HMGCLL1: variants seen among roughly 807,000 people sequenced by gnomAD.
HMGCLL1 encodes the protein 3-hydroxy-3-methylglutaryl-CoA lyase like 1.
HMGCLL1 carries 36 observed loss-of-function variants against 39.1 expected under a neutral mutation model. The ratio of observed to expected loss-of-function variants is 0.92; its 90% CI spans 0.71 to 1.22. The LOEUF is 1.22. Among genes scored for constraint, HMGCLL1 ranks in the 50% most tolerant of loss-of-function variants. The pLI is 0.00. For synonymous variants in HMGCLL1, 149 were observed against 144.0 expected (o/e 1.03, Z -0.25); for missense variants, 451 against 416.5 (o/e 1.08, Z -0.72).
At chr6:55,538,148 G>A (rs1013306760) in intron 3 of HMGCLL1, among the ~76,000 whole-genome samples, 2 of 152,074 alleles carry the variant, frequency 1.3e-5, no homozygotes, top group South Asian at 4.2e-4. Flanking sequence ...TTCCACTCTT[G>A]CATAATACTA....
chr6:55,522,033 G>A (rs1050386054), intron 3 of HMGCLL1, among the ~76,000 whole-genome samples: 1 of 151,986 alleles, frequency 6.6e-6, no homozygotes, highest in Non-Finnish European at 1.5e-5. Flanking sequence ...GAAAGTTTGA[G>A]TGGTCTAGGC....
At chr6:55,591,104 A>T in the HMGCLL1 span, among the ~76,000 whole-genome samples, 1 of 151,954 alleles carries the variant, frequency 6.6e-6, no homozygotes, top group Admixed American at 6.6e-5. Context: ...TCCTGCTTCT[A>T]ATATATTTTA....
At chr6:55,578,746 G>A (rs1581972476) in intron 1 of HMGCLL1, among the ~76,000 whole-genome samples, 1 of 152,204 alleles carries the variant, frequency 6.6e-6, no homozygotes. Context: ...CTGATCTGTA[G>A]AGGCGGGTCG....
At chr6:55,672,408 T>C in the HMGCLL1 span, among the ~76,000 whole-genome samples, 3 of 151,856 alleles carry the variant, frequency 2.0e-5, no homozygotes, top group African/African-American at 4.8e-5. Context: ...ACTTTTAATC[T>C]CTTTTTATGA....
intron 1 of HMGCLL1, among the ~76,000 whole-genome samples, chr6:55,554,877 A>G (rs937710054): frequency 3.3e-5 from 5 of 152,154 alleles, no homozygotes; most frequent in African/African-American, 9.7e-5. Flanking sequence ...CTCATACCCT[A>G]TATCAGATCT....
At chr6:55,588,594 T>C in the HMGCLL1 span, among the ~76,000 whole-genome samples, 8 of 151,952 alleles carry the variant, frequency 5.3e-5, no homozygotes, top group East Asian at 1.9e-4. Context: ...AAAAACCCTT[T>C]AAAAAAATCA....
chr6:55,561,633 T>TA (rs529260515), intron 1 of HMGCLL1, among the ~76,000 whole-genome samples: 1 of 152,008 alleles, frequency 6.6e-6, no homozygotes, highest in Non-Finnish European at 1.5e-5. Flanking sequence ...AAAGCCAACT[T>TA]AAAAAAAGTA....
At chr6:55,614,626 T>TTAA in the HMGCLL1 span, among the ~76,000 whole-genome samples, 2 of 152,188 alleles carry the variant, frequency 1.3e-5, no homozygotes, top group African/African-American at 4.8e-5. Flanking sequence ...TTTTTCTTCA[T>TTAA]TAATTTAAGA....
At chr6:55,469,437 A>G (rs1297792355) in intron 7 of HMGCLL1, among the ~76,000 whole-genome samples, 4 of 144,402 alleles carry the variant, frequency 2.8e-5, no homozygotes, top group African/African-American at 1.0e-4. Flanking sequence ...ATATAAGTAT[A>G]TATACATATA....
At chr6:55,635,823 A>T in the HMGCLL1 span, among the ~76,000 whole-genome samples, 1 of 152,202 alleles carries the variant, frequency 6.6e-6, no homozygotes, top group Non-Finnish European at 1.5e-5. Flanking sequence ...TGCTGAACAC[A>T]AAGAATAGTG....
At chr6:55,678,123 C>A in the HMGCLL1 span, among the ~76,000 whole-genome samples, 1 of 152,142 alleles carries the variant, frequency 6.6e-6, no homozygotes, top group Non-Finnish European at 1.5e-5. Flanking sequence ...TTATTAACCA[C>A]TCTAGGTCAG....
At chr6:55,486,371 C>T (rs890660346) in intron 7 of HMGCLL1, among the ~76,000 whole-genome samples, 8 of 151,940 alleles carry the variant, frequency 5.3e-5, no homozygotes, top group African/African-American at 1.9e-4. Context: ...GGCAGGCAGG[C>T]CTTCCAGAAG....
the HMGCLL1 span, among the ~76,000 whole-genome samples, chr6:55,673,309 C>T: frequency 6.6e-6 from 1 of 151,880 alleles, no homozygotes; most frequent in African/African-American, 2.4e-5. Flanking sequence ...GTGTAAAAAG[C>T]CATGTGCACT....
intron 7 of HMGCLL1, among the ~76,000 whole-genome samples, chr6:55,477,293 A>G (rs1182946930): frequency 2.3e-3 from 21 of 9,080 alleles, no homozygotes; most frequent in African/African-American, 7.1e-3. Context: ...TTATATATAA[A>G]ATAATATATA....
At chr6:55,555,297 G>A (rs950956495) in intron 1 of HMGCLL1, among the ~76,000 whole-genome samples, 1 of 152,032 alleles carries the variant, frequency 6.6e-6, no homozygotes, top group African/African-American at 2.4e-5. Context: ...ACTGCCTACA[G>A]GGGCTCTACT....
chr6:55,445,655 T>A (rs1341801234), intron 7 of HMGCLL1, among the ~76,000 whole-genome samples: 1 of 136,104 alleles, frequency 7.3e-6, no homozygotes, highest in African/African-American at 3.0e-5. Context: ...CTGGTGTGCA[T>A]GCATGTGTGT....
chr6:55,461,801 A>G (rs1264264710), intron 7 of HMGCLL1, among the ~76,000 whole-genome samples: 2 of 152,204 alleles, frequency 1.3e-5, no homozygotes, highest in Non-Finnish European at 2.9e-5. Flanking sequence ...TAGTCAATAA[A>G]AAAGTGATTA....
At chr6:55,442,140 G>A (rs1561882894) in intron 7 of HMGCLL1, among the ~76,000 whole-genome samples, 1 of 152,046 alleles carries the variant, frequency 6.6e-6, no homozygotes, top group Non-Finnish European at 1.5e-5. Context: ...TTTCTTGTCT[G>A]GCTGAGGTGG....
At chr6:55,655,536 GTAGATAGATAGA>G in the HMGCLL1 span, among the ~76,000 whole-genome samples, 5 of 147,620 alleles carry the variant, frequency 3.4e-5, no homozygotes, top group Non-Finnish European at 6.0e-5. Flanking sequence ...AGTTATATTG[GTAGATAGATAGA>G]TAGATAGATA....
Sources: gnomAD v4.1 joint callset for allele counts (sites outside exome capture counted in the v4.1 genomes callset) on GRCh38, gnomAD v4.1.1 for gene constraint, MANE v1.5 for transcripts, NCBI Gene and HGNC (gene_info 2026-07-23, HGNC 2026-07-21) for gene names.